Variants in FSTL5 observed in about 807,000 individuals in gnomAD.
The protein encoded by FSTL5 is follistatin-related protein 5.
A neutral mutation model predicts 89.1 loss-of-function variants in FSTL5; 62 were observed. The ratio of observed to expected loss-of-function variants is 0.70; its 90% confidence interval spans 0.57 to 0.86. The LOEUF (loss-of-function observed/expected upper bound fraction) is 0.86, where lower values mean the gene tolerates loss of function less well. Among genes scored for constraint, FSTL5 ranks in the 40% least tolerant of loss-of-function variants. FSTL5 has a pLI of 0.00. For synonymous variants in FSTL5, 383 were observed against 346.2 expected (o/e 1.11, Z -1.18); for missense variants, 1,057 against 1,001.6 (o/e 1.06, Z -0.75).
chr4:161,386,157 C>A lies in FSTL5; in HGVS notation c.2134G>T (p.Val712Leu), dbSNP rs754643746. ...TACTGAACCCTTACAAGACCTTTCACATCATTAATGCTGACAAGGTAGTGG... is the reference window on the plus strand; with the variant it reads ...TACTGAACCCTTACAAGACCTTTCAAATCATTAATGCTGACAAGGTAGTGG... ...DGHYLVSIND[V>L]KGLVRVQYIT... Residue 712 changes from valine to leucine, a missense_variant, in exon 16 of 16, where the codon GTG becomes TTG. Val to Leu is a conservative substitution (Grantham distance 32, BLOSUM62 1). This residue lies in a region of FSTL5 where 980 missense variants were observed against 903.2 expected (regional missense o/e 1.08). Coordinates refer to ENST00000306100, the MANE Select transcript of FSTL5 (RefSeq NM_020116.5). 1 of 1,613,880 alleles carries A rather than the reference C, an allele frequency of 6.2e-7. No homozygotes were observed. Among genetic ancestry groups the A allele is most frequent in the Non-Finnish European group, 8.5e-7 (1 of 1,179,982 alleles).
chr4:161,931,537 T>C, intron 3 of FSTL5, among the ~76,000 whole-genome samples: 1 of 151,908 alleles, frequency 6.6e-6, no homozygotes, highest in East Asian at 1.9e-4. Flanking sequence ...TCTTGTACAA[T>C]AATAACAATG....
chr4:161,879,414 C>T (rs182919636), intron 4 of FSTL5, among the ~76,000 whole-genome samples: 3 of 152,160 alleles, frequency 2.0e-5, no homozygotes, highest in Non-Finnish European at 2.9e-5. Context: ...AATTTCTTCA[C>T]GATGCTTTCC....
chr4:161,856,016 T>C (rs1047940539), intron 4 of FSTL5, among the ~76,000 whole-genome samples: 2 of 152,136 alleles, frequency 1.3e-5, no homozygotes, highest in Non-Finnish European at 2.9e-5. Flanking sequence ...TAAGGGTTTA[T>C]ATGCATCATG....
In FSTL5 at chr4:161,538,276, C is replaced by T. The variant is rs762293221; in HGVS notation, c.1202G>A (p.Ser401Asn). ...TCCAGTATCTTCATAGCGCACATTG[C>T]TTATGTGAACCTCACTGCCATTTGC... is the stretch of plus-strand genomic sequence containing the variant. Reference protein sequence around the residue: ...LQANGSEVHISNVRYEDTGAY... With the variant: ...LQANGSEVHINNVRYEDTGAY... Residue 401 changes from serine to asparagine, a missense_variant, in exon 10 of 16, where the codon AGC becomes AAC. This residue lies in a region of FSTL5 where 980 missense variants were observed against 903.2 expected (regional missense o/e 1.08). Coordinates refer to ENST00000306100, the MANE Select transcript of FSTL5 (RefSeq NM_020116.5). 6.8e-6 allele frequency: 11 copies of T among 1,613,928 alleles called. No individual in the cohort carries two copies. Among genetic ancestry groups the T allele is most frequent in the Non-Finnish European group, 9.3e-6 (11 of 1,179,892 alleles).
At position 162,073,920 on chromosome 4, in the gene FSTL5, A is replaced by G. The variant is rs115435698; in HGVS notation, c.126+37351T>C. On this transcript the variant is annotated intron_variant, in intron 2 of 15. Coordinates refer to ENST00000306100, the MANE Select transcript of FSTL5 (RefSeq NM_020116.5). Reference sequence around the variant, plus strand: ...AAGTAAATTAAATATGGTGCATTTTATACTTTTCAGCTTGGCAATAGGAAG... The same window carrying G: ...AAGTAAATTAAATATGGTGCATTTTGTACTTTTCAGCTTGGCAATAGGAAG... Among the ~76,000 whole-genome samples the G allele has an allele frequency of 5.5e-3, 841 of 151,920 alleles. 12 individuals carry two copies. Among genetic ancestry groups the G allele is most frequent in the African/African-American group, 0.019 (797 of 41,510 alleles).
At chr4:161,479,977 T>C (rs886399270) in intron 13 of FSTL5, among the ~76,000 whole-genome samples, 8 of 152,306 alleles carry the variant, frequency 5.3e-5, no homozygotes, top group Middle Eastern at 3.4e-3. Flanking sequence ...GATGAATGAA[T>C]GGATCCATGT....
chr4:161,500,513 T>G (rs1043434164), intron 11 of FSTL5, among the ~76,000 whole-genome samples: 1 of 152,290 alleles, frequency 6.6e-6, no homozygotes, highest in East Asian at 1.9e-4. Flanking sequence ...GTTTTACTAC[T>G]TTTATTAGAG....
chr4:162,146,000 A>G (rs532551673), intron 1 of FSTL5, among the ~76,000 whole-genome samples: 17 of 152,332 alleles, frequency 1.1e-4, no homozygotes, highest in African/African-American at 3.8e-4. Context: ...GGAGATAAAC[A>G]GACTAAAACT....
chr4:161,844,414 C>T (rs892622809), intron 4 of FSTL5, among the ~76,000 whole-genome samples: 7 of 151,982 alleles, frequency 4.6e-5, no homozygotes, highest in African/African-American at 1.2e-4. Context: ...ACCATTTGAC[C>T]CAGCAATCAC....
In FSTL5 at chr4:161,475,909, C is replaced by A. The variant is rs1018611161; in HGVS notation, c.1608+5111G>T. Among the ~76,000 whole-genome samples the A allele has an allele frequency of 2.6e-5, 4 of 152,054 alleles. No individual in the cohort carries two copies. In the East Asian group the frequency reaches 7.8e-4, roughly 30 times the overall value. ...AGACTACAGTTGCCCACCACCACGC[C>A]CAGCTAATTTTTATTTTGTATTTTT... On this transcript the variant is annotated intron_variant, in intron 13 of 15. Coordinates refer to ENST00000306100, the MANE Select transcript of FSTL5 (RefSeq NM_020116.5).
chr4:161,833,107 C>T (rs1024213870), intron 4 of FSTL5, among the ~76,000 whole-genome samples: 4 of 150,784 alleles, frequency 2.7e-5, no homozygotes, highest in African/African-American at 7.3e-5. Flanking sequence ...TTTCAAAGAA[C>T]ATCTTTATTT....
chr4:161,703,087 A>T (rs1251402411), intron 6 of FSTL5, among the ~76,000 whole-genome samples: 1 of 152,154 alleles, frequency 6.6e-6, no homozygotes, highest in Non-Finnish European at 1.5e-5. Flanking sequence ...GGACGCAGAG[A>T]GAGAGGGTCA....
intron 10 of FSTL5, among the ~76,000 whole-genome samples, chr4:161,531,590 G>A (rs13117124): frequency 0.28 from 41,972 of 151,956 alleles, 6,967 homozygotes; most frequent in Non-Finnish European, 0.37. Context: ...ATGTAAAGGC[G>A]GACTAAAGTG....
At chr4:162,117,048 C>T (rs1337570505) in intron 1 of FSTL5, among the ~76,000 whole-genome samples, 1 of 152,182 alleles carries the variant, frequency 6.6e-6, no homozygotes, top group Non-Finnish European at 1.5e-5. Flanking sequence ...TAAACTAGTA[C>T]CCACAGTCTA....
chr4:161,808,854 A>G (rs542844717), intron 4 of FSTL5, among the ~76,000 whole-genome samples: 11 of 152,180 alleles, frequency 7.2e-5, no homozygotes, highest in African/African-American at 2.4e-4. Flanking sequence ...TTGAATAGAC[A>G]TTTTCCTAGA....
chr4:161,953,258 A>G (rs1163049500), intron 3 of FSTL5, among the ~76,000 whole-genome samples: 1 of 151,686 alleles, frequency 6.6e-6, no homozygotes, highest in Non-Finnish European at 1.5e-5. Context: ...CAACTTCAAG[A>G]ATAGTACTGA....
intron 1 of FSTL5, among the ~76,000 whole-genome samples, chr4:162,147,522 C>T (rs1022675892): frequency 6.6e-6 from 1 of 152,104 alleles, no homozygotes; most frequent in African/African-American, 2.4e-5. Flanking sequence ...CAGAATTATA[C>T]AATCACTCTA....
chr4:161,871,863 A>G (rs909673302), intron 4 of FSTL5, among the ~76,000 whole-genome samples: 1 of 152,200 alleles, frequency 6.6e-6, no homozygotes, highest in African/African-American at 2.4e-5. Flanking sequence ...TATAGTGTCT[A>G]TCTCACAAGG....
chr4:162,030,326 A>G (rs1209289677), intron 3 of FSTL5, among the ~76,000 whole-genome samples: 3 of 152,162 alleles, frequency 2.0e-5, no homozygotes, highest in African/African-American at 4.8e-5. Context: ...ATATATGTAG[A>G]AAACTCAATA....
Sources: gnomAD v4.1 joint callset for allele counts (sites outside exome capture counted in the v4.1 genomes callset) on GRCh38, gnomAD v4.1.1 for gene constraint, gnomAD v4.1.1 regional missense constraint, MANE v1.5 for transcripts, NCBI Gene and HGNC (gene_info 2026-07-23, HGNC 2026-07-21) for gene names.